The following CCDC192 variants were observed in gnomAD, a reference collection of about 807,000 sequenced individuals.
The protein encoded by CCDC192 is coiled-coil domain containing 192, also known as coiled-coil domain-containing protein 192.
chr5:127,779,485 CG>C lies in CCDC192; in HGVS notation c.223-17614del, dbSNP rs559980539. Among the ~76,000 whole-genome samples the C allele has an allele frequency of 3.1e-3, 471 of 150,088 alleles. 4 individuals are homozygous for C. The highest frequency in any genetic ancestry group is 0.011 in the African/African-American group (452 of 39,638). ...TAATTTATTGTATTTTTAGTAGAGACGGGGTTTCACTGTGTTAGCCGGGACA... is the reference window on the plus strand; with the variant it reads ...TAATTTATTGTATTTTTAGTAGAGACGGGTTTCACTGTGTTAGCCGGGACA... On this transcript the variant is annotated intron_variant, in intron 3 of 6. Transcript: ENST00000514853.
intron 6 of CCDC192, among the ~76,000 whole-genome samples, chr5:127,914,331 T>C (rs952251323): frequency 6.6e-6 from 1 of 152,292 alleles, no homozygotes; most frequent in African/African-American, 2.4e-5. Flanking sequence ...GGGGGCCAAA[T>C]ATGTTTCAGA....
At chr5:127,923,590 G>T (rs181366986) in intron 6 of CCDC192, among the ~76,000 whole-genome samples, 202 of 152,280 alleles carry the variant, frequency 1.3e-3, no homozygotes, top group African/African-American at 4.6e-3. Context: ...TGTTAGCCAG[G>T]ATGGTCTTGA....
chr5:127,929,719 A>T (rs1322921276), intron 6 of CCDC192, among the ~76,000 whole-genome samples: 1 of 152,176 alleles, frequency 6.6e-6, no homozygotes, highest in Non-Finnish European at 1.5e-5. Flanking sequence ...TTATTACTAC[A>T]ACATTGTTTT....
At chr5:127,937,285 C>T (rs777914871) in intron 6 of CCDC192, among the ~76,000 whole-genome samples, 1 of 152,030 alleles carries the variant, frequency 6.6e-6, no homozygotes, top group Non-Finnish European at 1.5e-5. Context: ...CCTTTTCTGA[C>T]TGTCCTCTTC....
chr5:127,704,395 C>T (rs575180560), intron 1 of CCDC192, among the ~76,000 whole-genome samples: 3 of 152,302 alleles, frequency 2.0e-5, no homozygotes, highest in Admixed American at 6.5e-5. Flanking sequence ...ACCATGTTGG[C>T]CAGGCTGGTC....
intron 3 of CCDC192, among the ~76,000 whole-genome samples, chr5:127,769,583 C>T (rs924449885): frequency 3.3e-5 from 5 of 152,056 alleles, no homozygotes; most frequent in Non-Finnish European, 7.4e-5. Flanking sequence ...CCTCAGATCT[C>T]AATATGTAGA....
intron 5 of CCDC192, among the ~76,000 whole-genome samples, chr5:127,844,835 C>G (rs964482593): frequency 6.6e-6 from 1 of 152,166 alleles, no homozygotes; most frequent in Middle Eastern, 3.2e-3. Flanking sequence ...GCAGGTGTCC[C>G]TAAAATACCA....
chr5:127,936,010 AG>A (rs1455605589), intron 6 of CCDC192, among the ~76,000 whole-genome samples: 1 of 152,226 alleles, frequency 6.6e-6, no homozygotes, highest in Non-Finnish European at 1.5e-5. Context: ...AGGCTGAGGC[AG>A]GAGAATCGCT....
chr5:127,800,400 A>G (rs201526898), intron 5 of CCDC192, among the ~76,000 whole-genome samples: 1 of 79,058 alleles, frequency 1.3e-5, no homozygotes, highest in Non-Finnish European at 2.5e-5. Context: ...AAAAAAAAAA[A>G]ACAACAACAA....
rs561128852 is a variant in CCDC192 at position 127,904,469 on chromosome 5, A to G, written c.535+28808A>G. ...GTACAGACCACTTAGAACTGCTCAG[A>G]CTGAAAAGCCTCATTTTGGCAGAGA... On this transcript the variant is annotated intron_variant, in intron 6 of 6. Transcript: ENST00000514853. Among the ~76,000 whole-genome samples, 421 of 150,444 alleles carry G rather than the reference A, an allele frequency of 2.8e-3. 4 individuals carry two copies. Among genetic ancestry groups the G allele is most frequent in the Non-Finnish European group, 5.4e-3 (364 of 67,736 alleles).
chr5:127,918,869 ATG>A (rs1297732925), intron 6 of CCDC192, among the ~76,000 whole-genome samples: 2 of 151,386 alleles, frequency 1.3e-5, no homozygotes, highest in African/African-American at 4.9e-5. Context: ...GTGTGTATAT[ATG>A]TATGTGTACA....
chr5:127,859,849 A>G (rs1751281636), intron 5 of CCDC192, among the ~76,000 whole-genome samples: 1 of 152,176 alleles, frequency 6.6e-6, no homozygotes, highest in Non-Finnish European at 1.5e-5. Context: ...GGTTTTACAC[A>G]TATGTATTTC....
chr5:127,808,494 G>A (rs550558993), intron 5 of CCDC192, among the ~76,000 whole-genome samples: 2 of 152,168 alleles, frequency 1.3e-5, no homozygotes, highest in African/African-American at 4.8e-5. Context: ...AAAACCCTCA[G>A]TGGCTGCCCA....
At chr5:127,766,929 A>C (rs1420442482) in intron 3 of CCDC192, among the ~76,000 whole-genome samples, 1 of 152,210 alleles carries the variant, frequency 6.6e-6, no homozygotes, top group Non-Finnish European at 1.5e-5. Context: ...CCTCATTCAG[A>C]GTAGGGGACT....
chr5:127,750,029 G>C (rs1028969859), intron 2 of CCDC192, among the ~76,000 whole-genome samples: 1 of 151,568 alleles, frequency 6.6e-6, no homozygotes, highest in East Asian at 1.9e-4. Context: ...TCTTGCTAGC[G>C]GTCTATCAAT....
chr5:127,801,336 T>C (rs1757497299), intron 5 of CCDC192, among the ~76,000 whole-genome samples: 1 of 152,126 alleles, frequency 6.6e-6, no homozygotes, highest in African/African-American at 2.4e-5. Context: ...ATGGAAAGTT[T>C]GGAATTTCTG....
intron 6 of CCDC192, among the ~76,000 whole-genome samples, chr5:127,931,198 A>G (rs920272362): frequency 6.6e-6 from 1 of 152,094 alleles, no homozygotes; most frequent in Non-Finnish European, 1.5e-5. Context: ...CCTCTGGCTC[A>G]TCCTCTCTTT....
intron 5 of CCDC192, among the ~76,000 whole-genome samples, chr5:127,822,905 T>C (rs572488695): frequency 1.3e-5 from 2 of 152,184 alleles, no homozygotes; most frequent in Non-Finnish European, 2.9e-5. Context: ...GGTTAGACCA[T>C]GTCTGCCTTG....
intron 5 of CCDC192, 140 bp downstream of exon 5, chr5:127,798,302 C>T (rs1042928142): frequency 1.0e-4 from 39 of 387,316 alleles, no homozygotes; most frequent in Middle Eastern, 1.3e-3. Flanking sequence ...ATTTTTACTG[C>T]GTCTACACAG....
Sources: allele counts gnomAD v4.1 joint callset (sites outside exome capture counted in the v4.1 genomes callset), GRCh38; gene constraint gnomAD v4.1.1; transcripts MANE v1.5; gene names NCBI Gene and HGNC (gene_info 2026-07-23, HGNC 2026-07-21).